CADM2: variants seen among roughly 807,000 people sequenced by gnomAD.
CADM2 encodes immunoglobulin superfamily member 4D.
In CADM2, 12 loss-of-function variants were observed where a neutral mutation model predicts 49.8. That is an observed-to-expected ratio of 0.24 (90% confidence interval 0.15 to 0.39). CADM2 has a LOEUF of 0.39. CADM2 is among the 10% of genes least tolerant of loss of function. The probability of loss-of-function intolerance (pLI) is 1.00; values close to 1 mark genes in which losing one functional copy is unlikely to be tolerated. For synonymous variants in CADM2, 214 were observed against 175.4 expected (o/e 1.22, Z -1.74); for missense variants, 378 against 492.3 (o/e 0.77, Z 2.20).
intron 1 of CADM2, among the ~76,000 whole-genome samples, chr3:85,706,521 T>C (rs925906419): frequency 6.6e-6 from 1 of 152,256 alleles, no homozygotes; most frequent in Non-Finnish European, 1.5e-5. Flanking sequence ...CTTGGTGTTT[T>C]CCAATAAAGT....
chr3:85,638,954 G>A (rs2064613299), intron 1 of CADM2, among the ~76,000 whole-genome samples: 2 of 152,066 alleles, frequency 1.3e-5, no homozygotes, highest in South Asian at 2.1e-4. Context: ...GAAAAGAGAC[G>A]AGTAAAGCAC....
At chr3:85,391,469 G>A (rs2034514750) in intron 1 of CADM2, among the ~76,000 whole-genome samples, 1 of 151,962 alleles carries the variant, frequency 6.6e-6, no homozygotes, top group African/African-American at 2.4e-5. Flanking sequence ...GGAATAGTAA[G>A]ACTGCTATAA....
chr3:86,002,319 T>C (rs1188599147), intron 8 of CADM2, among the ~76,000 whole-genome samples: 3 of 152,186 alleles, frequency 2.0e-5, no homozygotes, highest in Non-Finnish European at 4.4e-5. Flanking sequence ...TGAATTAACA[T>C]GCAAGGTTAT....
At chr3:85,405,701 T>G (rs1265562112) in intron 1 of CADM2, among the ~76,000 whole-genome samples, 1 of 151,562 alleles carries the variant, frequency 6.6e-6, no homozygotes, top group African/African-American at 2.4e-5. Flanking sequence ...AAGCTCCTAG[T>G]TTTTTTTTAA....
intron 7 of CADM2, among the ~76,000 whole-genome samples, chr3:85,946,523 A>C (rs193014102): frequency 4.7e-4 from 71 of 152,226 alleles, no homozygotes; most frequent in African/African-American, 1.5e-3. Flanking sequence ...ACTTCAAACT[A>C]TACTACAAAG....
chr3:85,909,792 T>C (rs1717315650), intron 5 of CADM2, among the ~76,000 whole-genome samples: 1 of 152,046 alleles, frequency 6.6e-6, no homozygotes, highest in South Asian at 2.1e-4. Flanking sequence ...GTAAAGAAAA[T>C]TTCTGTTGGC....
intron 1 of CADM2, among the ~76,000 whole-genome samples, chr3:85,042,603 A>T (rs1024135220): frequency 6.6e-6 from 1 of 152,148 alleles, no homozygotes; most frequent in Admixed American, 6.6e-5. Context: ...ATTTCAAAGG[A>T]ACAATTTATT....
intron 1 of CADM2, among the ~76,000 whole-genome samples, chr3:85,650,628 A>T (rs2065018151): frequency 6.6e-6 from 1 of 151,890 alleles, no homozygotes; most frequent in South Asian, 2.1e-4. Flanking sequence ...TAGAAAAACA[A>T]ATTATTTCTA....
chr3:86,013,133 A>G (rs1214810756), intron 8 of CADM2: 1 of 1,337,044 alleles, frequency 7.5e-7, no homozygotes, highest in Admixed American at 1.7e-5. Context: ...CAAACCACGT[A>G]AGTAGACACA....
intron 1 of CADM2, among the ~76,000 whole-genome samples, chr3:85,576,779 G>T (rs140451437): frequency 1.6e-3 from 237 of 152,210 alleles, no homozygotes; most frequent in African/African-American, 5.3e-3. Flanking sequence ...CTGGTTTGAA[G>T]GAGTCATCTA....
intron 1 of CADM2, among the ~76,000 whole-genome samples, chr3:85,610,229 T>A (rs1449400): frequency 0.53 from 79,861 of 151,752 alleles, 23,771 homozygotes; most frequent in East Asian, 0.82. Context: ...GCAAAAGATC[T>A]TTGAATGCAG....
chr3:84,969,126 C>T (rs756169615), intron 1 of CADM2, among the ~76,000 whole-genome samples: 48 of 151,900 alleles, frequency 3.2e-4, no homozygotes, highest in Non-Finnish European at 6.0e-4. Flanking sequence ...GTGCATTTGT[C>T]TTAATTGTAC....
intron 1 of CADM2, among the ~76,000 whole-genome samples, chr3:85,282,886 G>C (rs2043539991): frequency 6.6e-6 from 1 of 152,024 alleles, no homozygotes. Context: ...AAAATACCTA[G>C]AGGAGAAGAT....
chr3:86,039,448 G>A (rs967327058), intron 8 of CADM2, among the ~76,000 whole-genome samples: 1 of 152,160 alleles, frequency 6.6e-6, no homozygotes, highest in African/African-American at 2.4e-5. Context: ...CCCACGCCTG[G>A]CTCAGAGGGT....
Position 85,408,614 on chromosome 3 carries a change from G to A in CADM2, c.62-317908G>A, listed in dbSNP as rs193027020. Among the ~76,000 whole-genome samples, 165 of 152,238 alleles carry A rather than the reference G, an allele frequency of 1.1e-3. 1 individual carries two copies. The highest frequency in any genetic ancestry group is 2.7e-3 in the Admixed American group (41 of 15,292). On this transcript the variant is annotated intron_variant, in intron 1 of 9. Coordinates refer to ENST00000383699, the MANE Select transcript of CADM2 (RefSeq NM_001167675.2). The stretch of plus-strand genomic sequence containing the variant: ...GTGTCAAAAATGTAAACACATAACT[G>A]CTATCTAAGTGACAGAGATATCCCT...
At chr3:85,550,437 C>T (rs1453690970) in intron 1 of CADM2, among the ~76,000 whole-genome samples, 1 of 152,124 alleles carries the variant, frequency 6.6e-6, no homozygotes, top group African/African-American at 2.4e-5. Context: ...GCTACAATTG[C>T]GAATTCTCAG....
At chr3:85,371,845 G>C (rs1290213817) in intron 1 of CADM2, among the ~76,000 whole-genome samples, 1 of 151,098 alleles carries the variant, frequency 6.6e-6, no homozygotes, top group Admixed American at 6.6e-5. Flanking sequence ...CAGAATTTGA[G>C]TCTGATTTTG....
chr3:84,959,351 G>A lies in CADM2; in HGVS notation c.-257G>A. 1 of 562,860 alleles carries A rather than the reference G, an allele frequency of 1.8e-6. No individual in the cohort carries two copies. Among genetic ancestry groups the A allele is most frequent in the Non-Finnish European group, 3.2e-6 (1 of 316,258 alleles). The allele number at this position is 562,860 out of a possible 1,614,324, so 34.9% of individuals were successfully genotyped here. A position where few individuals can be genotyped will look rare whatever the true frequency, so the allele number is the denominator to read the frequency against. ...GCTCCAAACCCCTGCCTGGAAGACG[G>A]GCTGTCGCGGCTGCACCACCAGCAG... On this transcript the variant is annotated 5_prime_UTR_variant, in exon 1 of 10. Transcript: ENST00000383699.
At chr3:85,605,121 G>T (rs536942905) in intron 1 of CADM2, among the ~76,000 whole-genome samples, 3 of 152,140 alleles carry the variant, frequency 2.0e-5, no homozygotes, top group African/African-American at 7.2e-5. Flanking sequence ...AATAGATTTT[G>T]TACTCATAAA....
Sources: allele counts gnomAD v4.1 joint callset (sites outside exome capture counted in the v4.1 genomes callset), GRCh38; gene constraint gnomAD v4.1.1; transcripts MANE v1.5; gene names NCBI Gene and HGNC (gene_info 2026-07-23, HGNC 2026-07-21).